GLI2: variants seen among roughly 807,000 people sequenced by gnomAD.
The protein encoded by GLI2 is GLI family zinc finger 2.
Under a neutral mutation model 78.9 loss-of-function variants are expected in GLI2, and 22 were observed. The observed-to-expected ratio is 0.28, with a 90% CI of 0.20 to 0.40. GLI2 has a LOEUF of 0.40. Ranked by LOEUF, GLI2 falls within the 10% of genes least tolerant of loss-of-function variation. GLI2 has a pLI of 1.00. For synonymous variants in GLI2, 974 were observed against 963.7 expected, an observed-to-expected ratio of 1.01 and a Z score of -0.20; for missense variants, 2,097 against 2,213.2, an observed-to-expected ratio of 0.95 and a Z score of 1.05.
intron 2 of GLI2, among the ~76,000 whole-genome samples, chr2:120,899,723 C>T (rs1397809809): frequency 1.3e-5 from 2 of 152,222 alleles, no homozygotes; most frequent in Admixed American, 6.5e-5. Context: ...CCATCTTCCT[C>T]TTTCTTGTGG....
chr2:120,894,557 A>C (rs1558863948), intron 2 of GLI2, among the ~76,000 whole-genome samples: 1 of 151,726 alleles, frequency 6.6e-6, no homozygotes, highest in East Asian at 1.9e-4. Flanking sequence ...GGTGGGGGCT[A>C]ATCTGTGTCT....
Position 120,955,378 on chromosome 2 carries a change from C to G in GLI2, c.591C>G (p.Ser197Arg), listed in dbSNP as rs745872978. ...CCTACGGGGACCTGCTGATGCAGAG[C>G]GGGGGCGCTGCCAGCGCACCCCATC... Reference protein sequence around the residue: ...PAPYGDLLMQSGGAASAPHLH... With the variant: ...PAPYGDLLMQRGGAASAPHLH... Residue 197 changes from serine (S) to arginine (R), a missense_variant, in exon 5 of 14, where the codon AGC (serine) becomes AGG (arginine). Ser to Arg is a moderately radical substitution (Grantham distance 110, BLOSUM62 -1). Around this residue, in one of 5 missense-constraint regions of GLI2, gnomAD observed 578 missense variants for 612.0 expected, o/e 0.94. Coordinates refer to ENST00000361492, the MANE Select transcript of GLI2 (RefSeq NM_001374353.1). 2 of 1,612,514 alleles carry G rather than the reference C, an allele frequency of 1.2e-6. No individual in the cohort carries two copies. Among genetic ancestry groups the G allele is most frequent in the Non-Finnish European group, 1.7e-6 (2 of 1,179,138 alleles).
chr2:120,865,249 T>G (rs1688073636), intron 2 of GLI2, among the ~76,000 whole-genome samples: 1 of 152,170 alleles, frequency 6.6e-6, no homozygotes, highest in Non-Finnish European at 1.5e-5. Flanking sequence ...ATCGATGAGC[T>G]CACTGCATGC....
At chr2:120,789,055 C>T (rs1311840077) in intron 1 of GLI2, among the ~76,000 whole-genome samples, 21 of 126,486 alleles carry the variant, frequency 1.7e-4, no homozygotes, top group Admixed American at 2.4e-4. Context: ...TTTTTTGAGA[C>T]GGAGTCTCAC....
At chr2:120,788,280 G>A (rs138688181) in intron 1 of GLI2, among the ~76,000 whole-genome samples, 1 of 152,348 alleles carries the variant, frequency 6.6e-6, no homozygotes, top group Non-Finnish European at 1.5e-5. Flanking sequence ...TTCAGTCACA[G>A]CACAAAGAGG....
chr2:120,972,982 A>G (rs1260908472), intron 8 of GLI2, among the ~76,000 whole-genome samples: 1 of 152,042 alleles, frequency 6.6e-6, no homozygotes, highest in African/African-American at 2.4e-5. Context: ...AAGCCCTCTC[A>G]TGGTGGCCCA....
rs556923336 is a variant in GLI2 at position 120,935,867 on chromosome 2, C to A, written c.254+8401C>A. ...AGCGTGTGTGATAAGACGGGCTGGTCTTTGATCTTTACTGAACGCCAAAGC... is the reference window on the plus strand; with the variant it reads ...AGCGTGTGTGATAAGACGGGCTGGTATTTGATCTTTACTGAACGCCAAAGC... On this transcript the variant is annotated intron_variant, in intron 3 of 13. Coordinates refer to ENST00000361492, the MANE Select transcript of GLI2 (RefSeq NM_001374353.1). Among the ~76,000 whole-genome samples the A allele has an allele frequency of 2.0e-5, 3 of 152,264 alleles. No homozygotes were observed. In the South Asian group the frequency reaches 6.2e-4, roughly 32 times the overall value.
intron 2 of GLI2, among the ~76,000 whole-genome samples, chr2:120,882,782 T>C (rs1677216046): frequency 6.6e-6 from 1 of 152,166 alleles, no homozygotes; most frequent in Non-Finnish European, 1.5e-5. Flanking sequence ...TGGTCTTAAG[T>C]GGGTCTTTTT....
chr2:120,830,983 CTT>C (rs5833855), intron 2 of GLI2, among the ~76,000 whole-genome samples: 545 of 137,930 alleles, frequency 4.0e-3, no homozygotes, highest in East Asian at 6.4e-3. Flanking sequence ...CTCTCTGTCT[CTT>C]TTTTTTTTTT....
At chr2:120,971,001 A>G (rs1032839210) in intron 7 of GLI2, among the ~76,000 whole-genome samples, 4 of 152,194 alleles carry the variant, frequency 2.6e-5, no homozygotes, top group African/African-American at 7.2e-5. Flanking sequence ...GACCCTTCCA[A>G]CGGGCCTTGA....
intron 2 of GLI2, among the ~76,000 whole-genome samples, chr2:120,831,479 T>C (rs1484751557): frequency 2.6e-5 from 4 of 152,178 alleles, no homozygotes; most frequent in Admixed American, 6.5e-5. Context: ...ACCTGTGTTT[T>C]CCTGGGTGAC....
At chr2:120,809,012 C>T (rs554576509) in intron 2 of GLI2, among the ~76,000 whole-genome samples, 1 of 152,264 alleles carries the variant, frequency 6.6e-6, no homozygotes, top group East Asian at 1.9e-4. Flanking sequence ...TTCCACTCTT[C>T]AAGAACTACC....
intron 2 of GLI2, among the ~76,000 whole-genome samples, chr2:120,856,144 T>A (rs939689799): frequency 9.9e-5 from 15 of 152,074 alleles, no homozygotes; most frequent in African/African-American, 3.6e-4. Flanking sequence ...TCAGCCTGAG[T>A]TCTCCCTGCT....
intron 1 of GLI2, among the ~76,000 whole-genome samples, chr2:120,768,844 C>T (rs1253195134): frequency 1.3e-5 from 2 of 151,306 alleles, no homozygotes; most frequent in Non-Finnish European, 2.9e-5. Flanking sequence ...TGTGTGCACC[C>T]TGCCCCACTC....
chr2:120,889,861 G>A (rs919194829), intron 2 of GLI2, among the ~76,000 whole-genome samples: 1 of 152,180 alleles, frequency 6.6e-6, no homozygotes. Context: ...CACATAGCTG[G>A]TGGGAATGTA....
Position 120,899,424 on chromosome 2 carries a change from C to CACACAT in GLI2, c.149-27931_149-27926dup, listed in dbSNP as rs778094056. Among the ~76,000 whole-genome samples, 17 of 119,188 alleles carry CACACAT rather than the reference C, an allele frequency of 1.4e-4. No individual in the cohort carries two copies. The South Asian group carries it at 2.9e-3, about 20-fold the overall frequency. 78.2% of individuals were successfully genotyped at this position (119,188 alleles called of 152,430 possible). A position where few individuals can be genotyped will look rare whatever the true frequency, so the allele number is the denominator to read the frequency against. On this transcript the variant is annotated intron_variant, in intron 2 of 13. Coordinates refer to ENST00000361492, the MANE Select transcript of GLI2 (RefSeq NM_001374353.1). Reference sequence around the variant, plus strand: ...ACACACATACACACACACACACACACACACATACACACATGCACACACATT... The same window carrying CACACAT: ...ACACACATACACACACACACACACACACACATACACATACACACATGCACACACATT...
At chr2:120,845,731 C>T (rs1417543630) in intron 2 of GLI2, among the ~76,000 whole-genome samples, 2 of 152,136 alleles carry the variant, frequency 1.3e-5, no homozygotes, top group African/African-American at 4.8e-5. Context: ...GGGTGGTACC[C>T]GCATGGATAC....
intron 2 of GLI2, among the ~76,000 whole-genome samples, chr2:120,820,151 C>T (rs571688777): frequency 5.9e-5 from 9 of 152,310 alleles, no homozygotes; most frequent in Admixed American, 3.9e-4. Context: ...AGGCTGGTCC[C>T]TTTTGCCCTC....
At chr2:120,843,348 T>G (rs752274077) in intron 2 of GLI2, among the ~76,000 whole-genome samples, 1 of 152,246 alleles carries the variant, frequency 6.6e-6, no homozygotes, top group Non-Finnish European at 1.5e-5. Context: ...GAGGTAGTGC[T>G]GTTCAGAGCT....
Sources: allele counts gnomAD v4.1 joint callset (sites outside exome capture counted in the v4.1 genomes callset), GRCh38; gene constraint gnomAD v4.1.1; regional missense constraint gnomAD v4.1.1; transcripts MANE v1.5; gene names NCBI Gene and HGNC (gene_info 2026-07-23, HGNC 2026-07-21).